PTN: variants seen among roughly 807,000 people sequenced by gnomAD.
PTN encodes pleiotrophin.
PTN carries 18 observed loss-of-function variants against 24.1 expected under a neutral mutation model. The observed-to-expected ratio is 0.75, with a 90% confidence interval of 0.52 to 1.11. The LOEUF (loss-of-function observed/expected upper bound fraction) is 1.11. Among genes scored for constraint, PTN ranks in the 50% least tolerant of loss-of-function variants. The probability of loss-of-function intolerance (pLI) is 0.00; values close to 1 mark genes in which losing one functional copy is unlikely to be tolerated. For synonymous variants in PTN, 78 were observed against 68.6 expected (o/e 1.14, Z -0.67); for missense variants, 163 against 198.8 (o/e 0.82, Z 1.08).
At chr7:137,323,034 T>C (rs947397740) in intron 1 of PTN, among the ~76,000 whole-genome samples, 1 of 152,242 alleles carries the variant, frequency 6.6e-6, no homozygotes, top group Admixed American at 6.5e-5. Context: ...ACTCCACTTA[T>C]GTTTGACTTG....
chr7:137,292,207 C>G (rs1809648466), intron 1 of PTN, among the ~76,000 whole-genome samples: 1 of 152,108 alleles, frequency 6.6e-6, no homozygotes, highest in Admixed American at 6.6e-5. Context: ...GTTCAAGTCC[C>G]TGATATAAAC....
intron 3 of PTN, among the ~76,000 whole-genome samples, 161 bp from the exon 4 acceptor site, chr7:137,251,552 C>T (rs1318154325): frequency 6.6e-6 from 1 of 152,174 alleles, no homozygotes; most frequent in African/African-American, 2.4e-5. Context: ...GTATTGATTT[C>T]TGTTCAATTC....
intron 4 of PTN, among the ~76,000 whole-genome samples, chr7:137,237,072 G>C (rs1025501377): frequency 6.6e-6 from 1 of 152,116 alleles, no homozygotes; most frequent in African/African-American, 2.4e-5. Context: ...GGCCTGACTT[G>C]CATCCCTCCT....
chr7:137,267,316 T>TTCTCTCTCTTTCCTCTCTTTC (rs35245896), intron 1 of PTN, among the ~76,000 whole-genome samples: 1 of 151,270 alleles, frequency 6.6e-6, no homozygotes, highest in Non-Finnish European at 1.5e-5. Context: ...TTGCCTCTTT[T>TTCTCTCTCTTTCCTCTCTTTC]TCTCTCTTTC....
At chr7:137,303,884 T>C (rs909039324) in intron 1 of PTN, among the ~76,000 whole-genome samples, 4 of 152,008 alleles carry the variant, frequency 2.6e-5, no homozygotes, top group Non-Finnish European at 5.9e-5. Context: ...GCAAAGTCTG[T>C]AAGAAGTGAC....
At chr7:137,258,618 T>G (rs1254811118) in intron 1 of PTN, among the ~76,000 whole-genome samples, 9 of 152,200 alleles carry the variant, frequency 5.9e-5, no homozygotes, top group Admixed American at 5.9e-4. Flanking sequence ...ATGATTAAAT[T>G]TATCCAAAAA....
chr7:137,315,562 A>G (rs1368987449), intron 1 of PTN, among the ~76,000 whole-genome samples: 1 of 152,166 alleles, frequency 6.6e-6, no homozygotes, highest in Non-Finnish European at 1.5e-5. Flanking sequence ...AAGTTGGGAC[A>G]TTGTTTGGAA....
At chr7:137,294,165 C>A (rs972431607) in intron 1 of PTN, among the ~76,000 whole-genome samples, 5 of 152,028 alleles carry the variant, frequency 3.3e-5, no homozygotes, top group African/African-American at 9.7e-5. Flanking sequence ...GAGCTGATTT[C>A]TTTTTATTAT....
At chr7:137,284,570 A>G (rs1809524956) in intron 1 of PTN, among the ~76,000 whole-genome samples, 1 of 152,200 alleles carries the variant, frequency 6.6e-6, no homozygotes, top group South Asian at 2.1e-4. Flanking sequence ...AGTGGTTAAT[A>G]ATAGTGATTT....
chr7:137,243,658 A>C (rs931241706), intron 4 of PTN, among the ~76,000 whole-genome samples: 1 of 152,196 alleles, frequency 6.6e-6, no homozygotes, highest in Non-Finnish European at 1.5e-5. Flanking sequence ...AATTTCTATT[A>C]AGCAGACACG....
intron 1 of PTN, among the ~76,000 whole-genome samples, chr7:137,267,519 C>G (rs1412017694): frequency 6.6e-6 from 1 of 152,166 alleles, no homozygotes; most frequent in Non-Finnish European, 1.5e-5. Context: ...AGGCTTCCTT[C>G]TGATGGCCAA....
intron 1 of PTN, among the ~76,000 whole-genome samples, chr7:137,259,627 AT>A (rs1256187552): frequency 6.6e-6 from 1 of 151,720 alleles, no homozygotes; most frequent in African/African-American, 2.4e-5. Context: ...TATTAAAAAA[AT>A]AAGCATTATA....
chr7:137,283,847 T>C (rs925174917), intron 1 of PTN, among the ~76,000 whole-genome samples: 1 of 151,638 alleles, frequency 6.6e-6, no homozygotes, highest in African/African-American at 2.4e-5. Flanking sequence ...TGGACCTCAT[T>C]TTCACCATCC....
intron 4 of PTN, chr7:137,236,266 T>C: frequency 1.4e-6 from 1 of 702,250 alleles, no homozygotes; most frequent in Non-Finnish European, 2.6e-6. Context: ...TTGAGATATC[T>C]ATAGCTTCTC....
chr7:137,283,615 T>C (rs940918476), intron 1 of PTN, among the ~76,000 whole-genome samples: 3 of 152,186 alleles, frequency 2.0e-5, no homozygotes, highest in African/African-American at 7.2e-5. Context: ...AGTGGCCTTA[T>C]AGTTTGATAA....
chr7:137,272,518 C>G (rs759222349), intron 1 of PTN, among the ~76,000 whole-genome samples: 7 of 152,184 alleles, frequency 4.6e-5, no homozygotes, highest in Non-Finnish European at 8.8e-5. Flanking sequence ...TTCCACGGAC[C>G]CTCCTCATTC....
At chr7:137,291,595 G>C (rs1443682431) in intron 1 of PTN, among the ~76,000 whole-genome samples, 1 of 151,984 alleles carries the variant, frequency 6.6e-6, no homozygotes, top group Non-Finnish European at 1.5e-5. Context: ...TTGACCACCA[G>C]TTTTGACTTG....
rs1291158175 is a variant in PTN, at chr7:137,251,294, G to A, written c.387C>T (p.Ala129=). ...TGSLKRALHN[A]ECQKTVTISK... ...AGATGGTGACAGTCTTCTGGCATTCGGCATTGTGCAGGGCTCGCTTCAGAC... is the reference window on the plus strand; with the variant it reads ...AGATGGTGACAGTCTTCTGGCATTCAGCATTGTGCAGGGCTCGCTTCAGAC... Residue 129 remains alanine, a synonymous_variant, in exon 4 of 5, where the codon GCC becomes GCT. Transcript: ENST00000348225. 3.0e-5 allele frequency: 48 copies of A among 1,613,944 alleles called. No homozygotes were observed. The highest frequency in any genetic ancestry group is 3.2e-5 in the Non-Finnish European group (38 of 1,180,016).
chr7:137,314,647 C>CA (rs61462145), intron 1 of PTN, among the ~76,000 whole-genome samples: 149,773 of 149,774 alleles, frequency 1, 74,886 homozygotes, highest in Non-Finnish European at 1. Flanking sequence ...TGCTGAAATC[C>CA]AGCATGGTGT....
Sources: allele counts gnomAD v4.1 joint callset (sites outside exome capture counted in the v4.1 genomes callset), GRCh38; gene constraint gnomAD v4.1.1; transcripts MANE v1.5; gene names NCBI Gene and HGNC (gene_info 2026-07-23, HGNC 2026-07-21).